Variants in BTBD9 observed in about 807,000 individuals in gnomAD.
The protein encoded by BTBD9 is BTB/POZ domain-containing protein 9.
BTBD9 carries 49 observed loss-of-function variants against 64.3 expected under a neutral mutation model. The ratio of observed to expected loss-of-function variants is 0.76; its 90% CI spans 0.61 to 0.97. The LOEUF is 0.97. Among genes scored for constraint, BTBD9 ranks in the 50% least tolerant of loss-of-function variants. The probability of loss-of-function intolerance (pLI) is 0.00; values close to 1 mark genes in which losing one functional copy is unlikely to be tolerated. For missense variants in BTBD9, 598 were observed against 762.1 expected (o/e 0.78, Z 2.53); for synonymous variants, 260 against 274.7 (o/e 0.95, Z 0.53).
chr6:38,372,876 C>T (rs1216781590), intron 6 of BTBD9, among the ~76,000 whole-genome samples: 2 of 152,204 alleles, frequency 1.3e-5, no homozygotes, highest in African/African-American at 2.4e-5. Flanking sequence ...CTGTCAAATT[C>T]TATACAAACT....
At chr6:38,604,471 T>C (rs1212398782) in intron 1 of BTBD9, among the ~76,000 whole-genome samples, 3 of 152,234 alleles carry the variant, frequency 2.0e-5, no homozygotes, top group Non-Finnish European at 4.4e-5. Flanking sequence ...TAAAGATTTA[T>C]TGAGCTCTCT....
intron 6 of BTBD9, among the ~76,000 whole-genome samples, chr6:38,372,578 A>G (rs1158663315): frequency 1.3e-5 from 2 of 152,188 alleles, no homozygotes; most frequent in Non-Finnish European, 2.9e-5. Flanking sequence ...AGGAACAACA[A>G]ATTAATACTT....
intron 6 of BTBD9, among the ~76,000 whole-genome samples, chr6:38,361,748 G>A (rs1764971183): frequency 6.6e-6 from 1 of 152,008 alleles, no homozygotes; most frequent in Non-Finnish European, 1.5e-5. Context: ...GCTGAGGCAA[G>A]AGAATTGCTT....
intron 6 of BTBD9, among the ~76,000 whole-genome samples, chr6:38,465,744 T>C (rs1200105792): frequency 2.0e-5 from 1 of 49,310 alleles, no homozygotes; most frequent in East Asian, 2.8e-3. Context: ...TATATATATA[T>C]ATATATATAT....
intron 6 of BTBD9, among the ~76,000 whole-genome samples, chr6:38,443,193 T>A (rs1284892570): frequency 1.3e-5 from 2 of 152,158 alleles, no homozygotes; most frequent in South Asian, 2.1e-4. Flanking sequence ...GAAGAAAAAT[T>A]CAGGCTGCTG....
At chr6:38,362,160 G>A (rs772452267) in intron 6 of BTBD9, among the ~76,000 whole-genome samples, 11 of 152,096 alleles carry the variant, frequency 7.2e-5, no homozygotes, top group Non-Finnish European at 1.5e-4. Flanking sequence ...TATAACTTTC[G>A]CCCAGCTCAA....
At chr6:38,429,193 G>A (rs553937151) in intron 6 of BTBD9, among the ~76,000 whole-genome samples, 88 of 150,644 alleles carry the variant, frequency 5.8e-4, no homozygotes, top group Admixed American at 1.1e-3. Flanking sequence ...GGTGGCTCAC[G>A]CCTGTAATCC....
intron 9 of BTBD9, among the ~76,000 whole-genome samples, chr6:38,237,332 A>G (rs1259683866): frequency 6.6e-6 from 1 of 152,216 alleles, no homozygotes; most frequent in East Asian, 1.9e-4. Context: ...TGATCAACAA[A>G]TCCAACTTTT....
Position 38,344,663 on chromosome 6 carries a change from C to T in BTBD9, c.1264+321G>A, listed in dbSNP as rs931404981. On this transcript the variant is annotated intron_variant, in intron 7 of 10. Transcript: ENST00000481247. ...TATCATACAGACTTCTCTTCAAACTCGCCTATCATTAAATCCCTTGGTGTG... is the reference window on the plus strand; with the variant it reads ...TATCATACAGACTTCTCTTCAAACTTGCCTATCATTAAATCCCTTGGTGTG... 9.2e-5 allele frequency among the ~76,000 whole-genome samples: 14 copies of T among 152,194 alleles called. 1 individual carries two copies. Among genetic ancestry groups the T allele is most frequent in the Admixed American group, 6.5e-5 (1 of 15,288 alleles).
intron 9 of BTBD9, among the ~76,000 whole-genome samples, chr6:38,221,740 C>T (rs1239532792): frequency 6.6e-6 from 1 of 152,174 alleles, no homozygotes. Flanking sequence ...CGCCTGTAAT[C>T]CCAGCACTTT....
rs1762960428 is a variant in BTBD9, at chr6:38,214,854, CTG to C, written c.1563-22259_1563-22258del. On this transcript the variant is annotated intron_variant, in intron 9 of 10. Transcript: ENST00000481247. ...CAAGAAAATATGGCTTCCTTTCAGA[CTG>C]TGTTTCAGTCTACCCCTAGCTATTC... is the stretch of plus-strand genomic sequence containing the variant. 1.3e-5 allele frequency among the ~76,000 whole-genome samples: 2 copies of C among 152,212 alleles called. 1 individual carries two copies. Among genetic ancestry groups the C allele is most frequent in the South Asian group, 4.1e-4 (2 of 4,834 alleles).
At chr6:38,262,327 A>C (rs1764820879) in intron 8 of BTBD9, among the ~76,000 whole-genome samples, 1 of 152,224 alleles carries the variant, frequency 6.6e-6, no homozygotes, top group African/African-American at 2.4e-5. Context: ...ATTGATGCAG[A>C]TCAGGTCGGT....
At chr6:38,283,778 GT>G (rs1042290366) in intron 8 of BTBD9, among the ~76,000 whole-genome samples, 3 of 152,194 alleles carry the variant, frequency 2.0e-5, no homozygotes, top group African/African-American at 7.2e-5. Context: ...ACTGGGCTCT[GT>G]AATACTCTCC....
chr6:38,304,366 T>C (rs1294401635), intron 7 of BTBD9, among the ~76,000 whole-genome samples: 1 of 151,936 alleles, frequency 6.6e-6, no homozygotes, highest in Non-Finnish European at 1.5e-5. Context: ...GCCAACATAG[T>C]GAAACCCCGT....
rs77959396 is a variant in BTBD9 at position 38,352,751 on chromosome 6, C to T, written c.1155-7658G>A. Among the ~76,000 whole-genome samples, 1,320 of 152,286 alleles carry T rather than the reference C, an allele frequency of 8.7e-3. 16 individuals carry two copies. The highest frequency in any genetic ancestry group is 0.03 in the African/African-American group (1,250 of 41,548). ...ATTAAAAGTCCTCCCAGGAACTACT[C>T]TTGCTTCAAAGACCAAAATAAAACA... On this transcript the variant is annotated intron_variant, in intron 6 of 10. Coordinates refer to ENST00000481247, the MANE Select transcript of BTBD9 (RefSeq NM_001099272.2).
intron 6 of BTBD9, among the ~76,000 whole-genome samples, chr6:38,462,106 CT>C (rs1770113340): frequency 6.6e-6 from 1 of 152,040 alleles, no homozygotes; most frequent in South Asian, 2.1e-4. Context: ...CAGTTTGTAA[CT>C]TATCTTTTCA....
At chr6:38,486,065 T>C (rs1771391907) in intron 6 of BTBD9, among the ~76,000 whole-genome samples, 1 of 152,214 alleles carries the variant, frequency 6.6e-6, no homozygotes. Flanking sequence ...ATCTTATGAA[T>C]CAACCTCTGC....
intron 6 of BTBD9, among the ~76,000 whole-genome samples, chr6:38,488,071 T>G (rs1482623642): frequency 6.6e-6 from 1 of 152,152 alleles, no homozygotes; most frequent in Non-Finnish European, 1.5e-5. Context: ...ATCCTCCCAC[T>G]TCGGCCTCCC....
At chr6:38,433,485 A>C (rs1000545701) in intron 6 of BTBD9, among the ~76,000 whole-genome samples, 3 of 151,852 alleles carry the variant, frequency 2.0e-5, no homozygotes, top group Non-Finnish European at 4.4e-5. Context: ...TAACCTTGTG[A>C]AATTCCTTCT....
Sources: allele counts gnomAD v4.1 joint callset (sites outside exome capture counted in the v4.1 genomes callset), GRCh38; gene constraint gnomAD v4.1.1; transcripts MANE v1.5; gene names NCBI Gene and HGNC (gene_info 2026-07-23, HGNC 2026-07-21).